The following ATP13A3 variants were observed in gnomAD, a reference collection of about 807,000 sequenced individuals.
The protein encoded by ATP13A3 is polyamine-transporting ATPase 13A3.
In ATP13A3, 59 loss-of-function variants were observed where a neutral mutation model predicts 158.1. The ratio of observed to expected loss-of-function variants is 0.37; its 90% CI spans 0.30 to 0.46. The LOEUF is 0.46. ATP13A3 is among the 20% of genes least tolerant of loss of function. The probability of loss-of-function intolerance (pLI) is 1.00; values close to 1 mark genes in which losing one functional copy is unlikely to be tolerated. For synonymous variants in ATP13A3, 491 were observed against 504.3 expected (o/e 0.97, Z 0.35); for missense variants, 1,166 against 1,525.2 (o/e 0.76, Z 3.92).
In ATP13A3 at chr3:194,437,308, T is replaced by TA; in HGVS notation, c.1999+2dup. On this transcript the variant is annotated splice_region_variant and intron_variant, in intron 19 of 33. Coordinates refer to ENST00000645319, the MANE Select transcript of ATP13A3 (RefSeq NM_001367549.1). ...TGTACCCAAAGCATAGATATTTCCT[T>TA]ACCTGTTTCAGGTTTACAGAGACCG... 1 of 1,614,236 alleles carries TA rather than the reference T, an allele frequency of 6.2e-7. No individual in the cohort carries two copies. The highest frequency in any genetic ancestry group is 8.5e-7 in the Non-Finnish European group (1 of 1,180,040).
intron 20 of ATP13A3, 142 bp downstream of exon 20, chr3:194,436,944 TGTACTTTTA>T (rs1717686296): frequency 9.3e-7 from 1 of 1,072,174 alleles, no homozygotes; most frequent in East Asian, 2.6e-5. Context: ...GTGGGGAAAA[TGTACTTTTA>T]CTTCAATCAC....
intron 28 of ATP13A3, among the ~76,000 whole-genome samples, chr3:194,427,723 ATAAC>A (rs1716901296): frequency 6.6e-6 from 1 of 151,636 alleles, no homozygotes; most frequent in Non-Finnish European, 1.5e-5. Context: ...TATAAACACA[ATAAC>A]TATAAAGTTA....
intron 27 of ATP13A3, 66 bp downstream of exon 27, chr3:194,429,612 T>A (rs546942703): frequency 5.6e-5 from 71 of 1,260,900 alleles, no homozygotes; most frequent in Non-Finnish European, 3.7e-5. Context: ...ATCAAACACA[T>A]ACGCTCAACA....
At chr3:194,493,829 A>G (rs1343948163) in intron 2 of ATP13A3, among the ~76,000 whole-genome samples, 2 of 152,186 alleles carry the variant, frequency 1.3e-5, no homozygotes, top group African/African-American at 4.8e-5. Context: ...TAAAAGTAGT[A>G]GTGACTATTC....
chr3:194,439,326 T>G (rs1278232004), intron 16 of ATP13A3, among the ~76,000 whole-genome samples: 1 of 152,224 alleles, frequency 6.6e-6, no homozygotes, highest in East Asian at 1.9e-4. Context: ...CCCAGAATTT[T>G]CAGGCTCATC....
chr3:194,489,904 G>A (rs1721125424), upstream of ATP13A3, among the ~76,000 whole-genome samples: 1 of 152,138 alleles, frequency 6.6e-6, no homozygotes, highest in South Asian at 2.1e-4. The surrounding 1 kb of genome is among the most constrained non-coding windows in gnomAD (Gnocchi z 4.1). Context: ...GAGAGAAAGG[G>A]AGTGGAACAG....
chr3:194,430,684 T>C (rs1179147779), intron 24 of ATP13A3, among the ~76,000 whole-genome samples: 2 of 152,166 alleles, frequency 1.3e-5, no homozygotes, highest in South Asian at 4.1e-4. Flanking sequence ...CTAAAATGAT[T>C]AGCCACTTCT....
At chr3:194,426,861 C>T (rs1260208362) in intron 29 of ATP13A3, among the ~76,000 whole-genome samples, 1 of 152,126 alleles carries the variant, frequency 6.6e-6, no homozygotes, top group East Asian at 1.9e-4. Context: ...GGGGATTCAC[C>T]ATGTTAACCA....
chr3:194,464,719 G>A (rs1239267491), intron 2 of ATP13A3, among the ~76,000 whole-genome samples: 1 of 152,092 alleles, frequency 6.6e-6, no homozygotes, highest in Non-Finnish European at 1.5e-5. Flanking sequence ...CTTCCTTAAG[G>A]GCTCAAAAAT....
At chr3:194,463,562 A>T (rs1369749173) in intron 2 of ATP13A3, among the ~76,000 whole-genome samples, 2 of 152,132 alleles carry the variant, frequency 1.3e-5, no homozygotes, top group Admixed American at 6.5e-5. Context: ...CAGCCCCCCG[A>T]GTGTGATAAC....
Position 194,431,209 on chromosome 3 carries a change from C to T in ATP13A3, c.2439G>A (p.Leu813=), listed in dbSNP as rs1204029651. The T allele has an allele frequency of 1.9e-6, 3 of 1,612,938 alleles. No homozygotes were observed. The highest frequency in any genetic ancestry group is 4.5e-5 in the East Asian group (2 of 44,846). ...AIDPEAIPVK[L]VHDSLEDLQM... ...GAAGATCCTCTAAGCTATCATGGAC[C>T]AATTTAACCGGAATAGCCTGTGTAT... is the stretch of plus-strand genomic sequence containing the variant. The change falls in exon 23 of 34, where the codon TTG becomes TTA. Residue 813 remains leucine, a synonymous_variant. Transcript: ENST00000645319.
At chr3:194,422,863 T>C (rs1577037331) in intron 30 of ATP13A3, among the ~76,000 whole-genome samples, 1 of 151,402 alleles carries the variant, frequency 6.6e-6, no homozygotes, top group African/African-American at 2.4e-5. Flanking sequence ...CCTCTCCCCT[T>C]ATCCAGTTAT....
intron 15 of ATP13A3, 122 bp downstream of exon 15, chr3:194,444,603 T>A (rs1718271726): frequency 1.3e-6 from 1 of 748,612 alleles, no homozygotes; most frequent in African/African-American, 1.8e-5. Flanking sequence ...TATGGCAACA[T>A]GTCCACGGTT....
intron 26 of ATP13A3, 76 bp from the exon 27 acceptor site, chr3:194,429,850 G>A (rs1271053424): frequency 1.5e-6 from 2 of 1,310,276 alleles, no homozygotes; most frequent in Middle Eastern, 1.8e-4. Flanking sequence ...ATTTTATCTT[G>A]ACAGATGAAC....
intron 6 of ATP13A3, chr3:194,458,936 A>G (rs1466374363): frequency 6.6e-6 from 1 of 152,282 alleles, no homozygotes; most frequent in Non-Finnish European, 1.5e-5. Flanking sequence ...AACGATATTA[A>G]TGAGTATTTA....
intron 21 of ATP13A3, 86 bp from the exon 22 acceptor site, chr3:194,431,978 G>A: frequency 1.8e-6 from 2 of 1,132,330 alleles, no homozygotes; most frequent in Non-Finnish European, 2.4e-6. Context: ...ATCTACTACA[G>A]TCTCCATGAC....
chr3:194,473,243 G>C lies in ATP13A3; in HGVS notation c.-46-11007C>G, dbSNP rs569976210. 9.2e-5 allele frequency among the ~76,000 whole-genome samples: 14 copies of C among 152,298 alleles called. No homozygotes were observed. The South Asian group carries it at 2.9e-3, about 32-fold the overall frequency. The stretch of plus-strand genomic sequence containing the variant: ...TTTCTAAAAGATGCCCTGCATTCAT[G>C]TGTCTCAACAAAAAATTAATGTACG... On this transcript the variant is annotated intron_variant, in intron 2 of 33. Transcript: ENST00000645319.
Position 194,419,937 on chromosome 3 carries a change from T to C in ATP13A3, c.3344A>G (p.Tyr1115Cys), listed in dbSNP as rs1242455481. Residue 1115 changes from tyrosine (Y) to cysteine (C), a missense_variant, in exon 31 of 34, where the codon TAT (tyrosine) becomes TGT (cysteine). Physicochemically the swap from Tyr to Cys is radical, Grantham distance 194 (BLOSUM62 -2). Around this residue, in one of 3 missense-constraint regions of ATP13A3, gnomAD observed 997 missense variants for 1,341.2 expected, o/e 0.74. Transcript: ENST00000645319. ...CAACATGATGAATAATATAAAAATA[T>C]ATAAAAAAATCACAGAAAAAACAAA... is the stretch of plus-strand genomic sequence containing the variant. ...YFFVFSVIFLYIFILFIMLYP... is the reference protein window; with the variant it reads ...YFFVFSVIFLCIFILFIMLYP... 6 of 1,534,000 alleles carry C rather than the reference T, an allele frequency of 3.9e-6. No individual in the cohort carries two copies. Among genetic ancestry groups the C allele is most frequent in the East Asian group, 2.4e-5 (1 of 41,996 alleles).
intron 14 of ATP13A3, 60 bp downstream of exon 14, chr3:194,446,867 G>T: frequency 7.1e-7 from 1 of 1,398,714 alleles, no homozygotes; most frequent in Non-Finnish European, 9.7e-7. Context: ...AAAAAACATT[G>T]ATCTAAATAT....
Sources: allele counts gnomAD v4.1 joint callset (sites outside exome capture counted in the v4.1 genomes callset), GRCh38; gene constraint gnomAD v4.1.1; regional missense constraint gnomAD v4.1.1; non-coding constraint Gnocchi (gnomAD v3.1); transcripts MANE v1.5; gene names NCBI Gene and HGNC (gene_info 2026-07-23, HGNC 2026-07-21).